HDC: variants seen among roughly 807,000 people sequenced by gnomAD.
HDC encodes histidine decarboxylase.
HDC carries 27 observed loss-of-function variants against 64.4 expected under a neutral mutation model. That is an observed-to-expected ratio of 0.42 (90% CI 0.31 to 0.58). The LOEUF (loss-of-function observed/expected upper bound fraction) is 0.58. Ranked by LOEUF, HDC falls within the 20% of genes least tolerant of loss-of-function variation. The pLI is 0.16. For missense variants in HDC, 711 were observed against 833.9 expected (o/e 0.85, Z 1.81); for synonymous variants, 305 against 314.2 (o/e 0.97, Z 0.31).
At position 50,243,287 on chromosome 15, in the gene HDC, C is replaced by A. The variant is rs754655712; in HGVS notation, c.1141-43G>T. 7.8e-6 allele frequency: 10 copies of A among 1,275,008 alleles called. No individual in the cohort carries two copies. In the South Asian group the frequency reaches 1.1e-4, roughly 14 times the overall value. The allele number at this position is 1,275,008 out of a possible 1,614,324, so 79.0% of individuals were successfully genotyped here. ...AAGAGAACTGAGATTAATCATCAGA[C>A]AAGAGACTATGCATAAACTTTCAGA... On this transcript the variant is annotated intron_variant, in intron 10 of 11. Coordinates refer to ENST00000267845, the MANE Select transcript of HDC (RefSeq NM_002112.4).
At chr15:50,243,936 A>G (rs2045441287) in intron 10 of HDC, among the ~76,000 whole-genome samples, 1 of 152,232 alleles carries the variant, frequency 6.6e-6, no homozygotes, top group Non-Finnish European at 1.5e-5. Context: ...GTCACACCAC[A>G]TTGTGAGTAT....
intron 4 of HDC, 86 bp from the exon 5 acceptor site, chr15:50,254,750 C>T (rs1415754458): frequency 1.7e-5 from 15 of 869,560 alleles, no homozygotes; most frequent in African/African-American, 4.1e-5. Flanking sequence ...CTCTCTCTCT[C>T]TCTCTCTCTC....
intron 1 of HDC, among the ~76,000 whole-genome samples, chr15:50,263,661 G>C (rs145300957): frequency 1.3e-5 from 2 of 152,030 alleles, no homozygotes; most frequent in Non-Finnish European, 2.9e-5. Context: ...TTAGCCGGGC[G>C]TGGTGGCAGG....
At chr15:50,250,549 T>C (rs991383346) in intron 9 of HDC, among the ~76,000 whole-genome samples, 11 of 152,098 alleles carry the variant, frequency 7.2e-5, no homozygotes, top group African/African-American at 2.7e-4. Flanking sequence ...CCCGGGAAGA[T>C]CCTGAGGCAC....
Position 50,252,497 on chromosome 15 carries a change from T to C in HDC, c.974A>G (p.Gln325Arg). Residue 325 changes from glutamine to arginine, a missense_variant, in exon 9 of 12, where the codon CAG (glutamine) becomes CGG (arginine). Coordinates refer to ENST00000267845, the MANE Select transcript of HDC (RefSeq NM_002112.4). ...GFWVKDKYKL[Q>R]QTFSVNPIYL... Reference sequence around the variant, plus strand: ...GATGGGATTCACACTGAAGGTCTGCTGCAGCTTGTACTTGTCCTTGACCCT... The same window carrying C: ...GATGGGATTCACACTGAAGGTCTGCCGCAGCTTGTACTTGTCCTTGACCCT... 1 of 1,614,236 alleles carries C rather than the reference T, an allele frequency of 6.2e-7. No homozygotes were observed. The highest frequency in any genetic ancestry group is 1.1e-5 in the South Asian group (1 of 91,088).
chr15:50,257,382 T>C, intron 4 of HDC, 43 bp downstream of exon 4: 1 of 1,613,720 alleles, frequency 6.2e-7, no homozygotes, highest in Non-Finnish European at 8.5e-7. Context: ...TGTCTTTCGC[T>C]ACTTAGCCCC....
rs893287913 is a variant in HDC at position 50,248,202 on chromosome 15, CAG to C, written c.1140+41_1140+42del. On this transcript the variant is annotated intron_variant, in intron 10 of 11. Coordinates refer to ENST00000267845, the MANE Select transcript of HDC (RefSeq NM_002112.4). This position sits in a 1 kb window ranked among gnomAD's most constrained non-coding sequence, Gnocchi z 4.3. ...ACCAGCCTTCCTCGCCATGAGAAAACAGAGGAACACAGGCTCAGCCCCCACAG... is the reference window on the plus strand; with the variant it reads ...ACCAGCCTTCCTCGCCATGAGAAAACAGGAACACAGGCTCAGCCCCCACAG... The C allele has an allele frequency of 2.2e-6, 3 of 1,379,354 alleles. No individual in the cohort carries two copies. The highest frequency in any genetic ancestry group is 1.7e-5 in the Admixed American group (1 of 59,096). 85.4% of individuals were successfully genotyped at this position (1,379,354 alleles called of 1,614,324 possible). A position where few individuals can be genotyped will look rare whatever the true frequency, so the allele number is the denominator to read the frequency against.
At chr15:50,261,760 A>G (rs2140942686) in intron 2 of HDC, among the ~76,000 whole-genome samples, 1 of 144,002 alleles carries the variant, frequency 6.9e-6, no homozygotes, top group Admixed American at 7.1e-5. Context: ...CCCAGGCTGG[A>G]GTGCAACGGC....
In HDC at chr15:50,242,445, C is replaced by T; in HGVS notation, c.1804G>A (p.Ala602Thr). The change falls in exon 12 of 12, where the codon GCC becomes ACC. Residue 602 changes from alanine (A) to threonine (T), a missense_variant. By Grantham distance (58) the Ala-to-Thr change is moderately conservative (BLOSUM62 0). This residue lies in a region of HDC where 483 missense variants were observed against 540.9 expected (regional missense o/e 0.89). Transcript: ENST00000267845. Reference sequence around the variant, plus strand: ...GAGGAGCCCCCATTCTTCACAGAGGCCTCTGTGGGCAGTGGCTTCTGAGCA... The same window carrying T: ...GAGGAGCCCCCATTCTTCACAGAGGTCTCTGTGGGCAGTGGCTTCTGAGCA... ...VSAQKPLPTE[A>T]SVKNGGSSRV... 1 of 1,614,176 alleles carries T rather than the reference C, an allele frequency of 6.2e-7. No homozygotes were observed. Among genetic ancestry groups the T allele is most frequent in the South Asian group, 1.1e-5 (1 of 91,082 alleles).
chr15:50,258,813 G>A (rs538459650), intron 2 of HDC, among the ~76,000 whole-genome samples: 2 of 152,220 alleles, frequency 1.3e-5, no homozygotes, highest in African/African-American at 4.8e-5. Context: ...ATTCTGGGTG[G>A]TATTCACATT....
chr15:50,243,040 C>T lies in HDC; in HGVS notation c.1243-34G>A, dbSNP rs201915508. 9.4e-5 allele frequency: 152 copies of T among 1,614,052 alleles called. 1 individual carries two copies. The Middle Eastern group carries it at 1.6e-3, about 18-fold the overall frequency. On this transcript the variant is annotated intron_variant, in intron 11 of 11. Coordinates refer to ENST00000267845, the MANE Select transcript of HDC (RefSeq NM_002112.4). Reference sequence around the variant, plus strand: ...AAAATAAAGGAAGTGAAGTCTCCATCGCACCCCCTGTCAGCATCCCCAGAG... The same window carrying T: ...AAAATAAAGGAAGTGAAGTCTCCATTGCACCCCCTGTCAGCATCCCCAGAG...
intron 9 of HDC, among the ~76,000 whole-genome samples, chr15:50,251,606 T>C (rs1160367253): frequency 1.3e-5 from 2 of 152,144 alleles, no homozygotes; most frequent in Admixed American, 6.5e-5. Flanking sequence ...ATCCTCAAAC[T>C]GCGGAGTCAA....
chr15:50,265,431 C>T (rs2045754561), intron 1 of HDC, among the ~76,000 whole-genome samples, 162 bp downstream of exon 1: 1 of 152,008 alleles, frequency 6.6e-6, no homozygotes, highest in South Asian at 2.1e-4. Flanking sequence ...ACTCTGATCC[C>T]ACATTCCTTT....
In HDC at chr15:50,242,561, T is replaced by A. The variant is rs769452104; in HGVS notation, c.1688A>T (p.His563Leu). ...FSEEAPDATK[H>L]KLSSFLFSYL... ...ACTGAACAGGAAGGAGGACAGCTTG[T>A]GCTTGGTGGCATCTGGGGCCTCTTC... The change falls in exon 12 of 12, where the codon CAC becomes CTC. Residue 563 changes from histidine to leucine, a missense_variant. Around this residue, in one of 3 missense-constraint regions of HDC, gnomAD observed 483 missense variants for 540.9 expected, o/e 0.89. Transcript: ENST00000267845. 6.2e-7 allele frequency: 1 copy of A among 1,614,174 alleles called. No homozygotes were observed. Among genetic ancestry groups the A allele is most frequent in the South Asian group, 1.1e-5 (1 of 91,078 alleles).
At chr15:50,249,452 A>G (rs913534756) in intron 9 of HDC, among the ~76,000 whole-genome samples, 7 of 152,042 alleles carry the variant, frequency 4.6e-5, no homozygotes, top group African/African-American at 1.7e-4. Context: ...CCTCACCTTC[A>G]CCCTTCACCC....
intron 4 of HDC, among the ~76,000 whole-genome samples, chr15:50,255,629 C>G (rs561976199): frequency 6.6e-6 from 1 of 152,008 alleles, no homozygotes; most frequent in East Asian, 1.9e-4. Flanking sequence ...GACCCTGTCT[C>G]TACAAAAAAA....
intron 7 of HDC, 75 bp from the exon 8 acceptor site, chr15:50,252,849 A>C: frequency 1.4e-6 from 2 of 1,439,130 alleles, no homozygotes; most frequent in Non-Finnish European, 1.9e-6. Context: ...GGCCAAGCTG[A>C]GTGGTGGGCT....
intron 2 of HDC, 69 bp from the exon 3 acceptor site, chr15:50,258,586 C>G: frequency 4.6e-6 from 4 of 877,550 alleles, no homozygotes; most frequent in South Asian, 1.4e-5. Flanking sequence ...CTCCAGAGAC[C>G]ATCTCTGGCA....
intron 9 of HDC, among the ~76,000 whole-genome samples, chr15:50,251,183 G>A (rs965131195): frequency 5.9e-5 from 9 of 152,204 alleles, no homozygotes; most frequent in African/African-American, 1.7e-4. Flanking sequence ...TCACTTGCCC[G>A]AGGTCACACA....
Sources: gnomAD v4.1 joint callset for allele counts (sites outside exome capture counted in the v4.1 genomes callset) on GRCh38, gnomAD v4.1.1 for gene constraint, gnomAD v4.1.1 regional missense constraint, Gnocchi (gnomAD v3.1) non-coding constraint, MANE v1.5 for transcripts, NCBI Gene and HGNC (gene_info 2026-07-23, HGNC 2026-07-21) for gene names.